NSD2: variants seen among roughly 807,000 people sequenced by gnomAD.
The protein encoded by NSD2 is histone-lysine N-methyltransferase NSD2.
NSD2 carries 12 observed loss-of-function variants against 139.0 expected under a neutral mutation model. The observed-to-expected ratio is 0.09, with a 90% CI of 0.06 to 0.14. NSD2 has a LOEUF of 0.14. Ranked by LOEUF, NSD2 falls within the 10% of genes least tolerant of loss-of-function variation. The pLI, the probability that NSD2 is intolerant of heterozygous loss-of-function variation, is 1.00. For missense variants in NSD2, 1,155 were observed against 1,745.0 expected, an observed-to-expected ratio of 0.66 and a Z score of 6.02; for synonymous variants, 669 against 648.7, an observed-to-expected ratio of 1.03 and a Z score of -0.48.
intron 1 of NSD2, among the ~76,000 whole-genome samples, chr4:1,886,687 A>T (rs1204893260): frequency 2.0e-5 from 3 of 151,886 alleles, no homozygotes; most frequent in Admixed American, 6.6e-5. Flanking sequence ...ACACCCAAAA[A>T]ATTAGCCAGG....
chr4:1,942,366 T>G lies in NSD2; in HGVS notation c.1881+2588T>G, dbSNP rs1723187633. Reference sequence around the variant, plus strand: ...TTTGTGGGAGCCCACACCAGTCAAGTTGGATTTGAACCCAGCTGCTCTGTA... The same window carrying G: ...TTTGTGGGAGCCCACACCAGTCAAGGTGGATTTGAACCCAGCTGCTCTGTA... On this transcript the variant is annotated intron_variant, in intron 9 of 21. Transcript: ENST00000508803. This position sits in a 1 kb window ranked among gnomAD's most constrained non-coding sequence, Gnocchi z 4.0. 1 of 1,613,854 alleles carries G rather than the reference T, an allele frequency of 6.2e-7. No homozygotes were observed. The highest frequency in any genetic ancestry group is 1.1e-5 in the South Asian group (1 of 91,030).
At chr4:1,946,110 G>A in intron 9 of NSD2, 1 of 1,029,742 alleles carries the variant, frequency 9.7e-7, no homozygotes, top group Non-Finnish European at 1.2e-6. Flanking sequence ...GCTGAGGTGT[G>A]CGGTTTATCT....
chr4:1,890,370 C>T (rs2108698434), intron 1 of NSD2, among the ~76,000 whole-genome samples: 1 of 152,022 alleles, frequency 6.6e-6, no homozygotes, highest in South Asian at 2.1e-4. Flanking sequence ...ATGATCTCGG[C>T]TCACTGCAAG....
chr4:1,970,336 G>C (rs1726326680), intron 18 of NSD2, among the ~76,000 whole-genome samples: 1 of 152,220 alleles, frequency 6.6e-6, no homozygotes, highest in African/African-American at 2.4e-5. Context: ...ACGAGCCAGG[G>C]GTGTCTATCC....
Position 1,955,547 on chromosome 4 carries a change from T to C in NSD2, c.2519-146T>C, listed in dbSNP as rs1724726058. 1 of 1,241,414 alleles carries C rather than the reference T, an allele frequency of 8.1e-7. No individual in the cohort carries two copies. Among genetic ancestry groups the C allele is most frequent in the African/African-American group, 1.5e-5 (1 of 65,926 alleles). The allele number at this position is 1,241,414 out of a possible 1,614,324, so 76.9% of individuals were successfully genotyped here. ...GAAATTATTTGTGGTGAAAATGACATTTGCTCTCGTGCTGATGTACAGATC... is the reference window on the plus strand; with the variant it reads ...GAAATTATTTGTGGTGAAAATGACACTTGCTCTCGTGCTGATGTACAGATC... On this transcript the variant is annotated intron_variant, in intron 13 of 21. Transcript: ENST00000508803. This position sits in a 1 kb window ranked among gnomAD's most constrained non-coding sequence, Gnocchi z 4.7.
Position 1,973,223 on chromosome 4 carries a change from G to A in NSD2, c.3373-1640G>A, listed in dbSNP as rs1006478705. On this transcript the variant is annotated intron_variant, in intron 18 of 21. Coordinates refer to ENST00000508803, the MANE Select transcript of NSD2 (RefSeq NM_001042424.3). This position sits in a 1 kb window ranked among gnomAD's most constrained non-coding sequence, Gnocchi z 5.5. ...AGTCAGTTAAGATAAATAAAACAGGGTCAAGACATGGCGGGCAACCCACAG... is the reference window on the plus strand; with the variant it reads ...AGTCAGTTAAGATAAATAAAACAGGATCAAGACATGGCGGGCAACCCACAG... Among the ~76,000 whole-genome samples, 3 of 152,180 alleles carry A rather than the reference G, an allele frequency of 2.0e-5. No homozygotes were observed. Among genetic ancestry groups the A allele is most frequent in the Admixed American group, 6.5e-5 (1 of 15,276 alleles).
In NSD2 at chr4:1,948,810, C is replaced by T; in HGVS notation, c.1882-2262C>T. The T allele has an allele frequency of 9.7e-7, 1 of 1,031,216 alleles. No homozygotes were observed. The highest frequency in any genetic ancestry group is 6.1e-5 in the East Asian group (1 of 16,274). 63.9% of individuals were successfully genotyped at this position (1,031,216 alleles called of 1,614,324 possible). A position where few individuals can be genotyped will look rare whatever the true frequency, so the allele number is the denominator to read the frequency against. On this transcript the variant is annotated intron_variant, in intron 9 of 21. Coordinates refer to ENST00000508803, the MANE Select transcript of NSD2 (RefSeq NM_001042424.3). This position sits in a 1 kb window ranked among gnomAD's most constrained non-coding sequence, Gnocchi z 4.5. ...AAATCTGAAATAAAAGGTGCTGTTC[C>T]TTCCTCTGACCCAGGACTGCTTTGT... is the stretch of plus-strand genomic sequence containing the variant.
chr4:1,974,967 T>G lies in NSD2; in HGVS notation c.3477T>G (p.Thr1159=). 6.2e-7 allele frequency: 1 copy of G among 1,614,054 alleles called. No individual in the cohort carries two copies. Among genetic ancestry groups the G allele is most frequent in the Non-Finnish European group, 8.5e-7 (1 of 1,180,012 alleles). The change falls in exon 19 of 22, where the codon ACT becomes ACG. Residue 1159 remains threonine, a synonymous_variant. Coordinates refer to ENST00000508803, the MANE Select transcript of NSD2 (RefSeq NM_001042424.3). The surrounding 1 kb of genome is among the most constrained non-coding windows in gnomAD (Gnocchi z 4.0). Reference sequence around the variant, plus strand: ...TCAAGTGGACAGTGAATGGGGACACTCGTGTGGGCCTGTTTGCCGTCTGTG... The same window carrying G: ...TCAAGTGGACAGTGAATGGGGACACGCGTGTGGGCCTGTTTGCCGTCTGTG... ...ETLKWTVNGD[T]RVGLFAVCDI... is the part of the protein sequence containing the mutation.
In NSD2 at chr4:1,972,174, C is replaced by T. The variant is rs1391100164; in HGVS notation, c.3373-2689C>T. ...GGTCCACAGGTTTTCCCCTGCCCTC[C>T]TCATGTATGCAGAGCCACAAAGAGC... On this transcript the variant is annotated intron_variant, in intron 18 of 21. Coordinates refer to ENST00000508803, the MANE Select transcript of NSD2 (RefSeq NM_001042424.3). The surrounding 1 kb of genome is among the most constrained non-coding windows in gnomAD (Gnocchi z 4.0). Among the ~76,000 whole-genome samples, 1 of 152,168 alleles carries T rather than the reference C, an allele frequency of 6.6e-6. No homozygotes were observed. Among genetic ancestry groups the T allele is most frequent in the East Asian group, 1.9e-4 (1 of 5,190 alleles).
rs1262190754 is a variant in NSD2, at chr4:1,958,370, C to G, written c.2985+334C>G. ...CTGTTGCCAAGTGCTGGGAGTCAGT[C>G]ACATACGGCCAGGGCTCAGTGACTG... On this transcript the variant is annotated intron_variant, in intron 16 of 21. Transcript: ENST00000508803. This position sits in a 1 kb window ranked among gnomAD's most constrained non-coding sequence, Gnocchi z 4.6. Among the ~76,000 whole-genome samples the G allele has an allele frequency of 2.0e-5, 3 of 152,224 alleles. No homozygotes were observed. The highest frequency in any genetic ancestry group is 7.2e-5 in the African/African-American group (3 of 41,462).
At chr4:1,895,703 G>A (rs1716183931) in intron 1 of NSD2, among the ~76,000 whole-genome samples, 1 of 152,216 alleles carries the variant, frequency 6.6e-6, no homozygotes, top group South Asian at 2.1e-4. Flanking sequence ...GCTCTCCCGG[G>A]GAGAGGGGGG....
At position 1,938,401 on chromosome 4, in the gene NSD2, CTT is replaced by C. The variant is rs372125946; in HGVS notation, c.1675-41_1675-40del. ...TCTTTTTTTTTCCTTTTTTTCTTTT[CTT>C]TTTTTTTTCTTTCTTTTTTTTTTTT... On this transcript the variant is annotated intron_variant, in intron 7 of 21. Coordinates refer to ENST00000508803, the MANE Select transcript of NSD2 (RefSeq NM_001042424.3). 38 of 878,152 alleles carry C rather than the reference CTT, an allele frequency of 4.3e-5. No individual in the cohort carries two copies. In the African/African-American group the frequency reaches 9.3e-4, roughly 22 times the overall value. The allele number at this position is 878,152 out of a possible 1,614,324, so 54.4% of individuals were successfully genotyped here. A position where few individuals can be genotyped will look rare whatever the true frequency, so the allele number is the denominator to read the frequency against.
intron 6 of NSD2, among the ~76,000 whole-genome samples, chr4:1,934,887 A>ATATATG (rs1577483505): frequency 8.1e-6 from 1 of 123,700 alleles, no homozygotes; most frequent in East Asian, 2.1e-4. Context: ...AAATATATAT[A>ATATATG]TATATATATA....
chr4:1,947,272 T>A, intron 9 of NSD2: 6 of 1,062,672 alleles, frequency 5.6e-6, no homozygotes, highest in Non-Finnish European at 5.7e-6. Context: ...GGGCAGGCCT[T>A]GAATTGGGAG....
At chr4:1,891,138 T>C (rs1472064797) in intron 1 of NSD2, among the ~76,000 whole-genome samples, 1 of 152,134 alleles carries the variant, frequency 6.6e-6, no homozygotes, top group Non-Finnish European at 1.5e-5. Context: ...AAGCAATCCT[T>C]CTGCCTTGGC....
chr4:1,959,372 G>T (rs1725143522), intron 16 of NSD2, 99 bp from the exon 17 acceptor site: 1 of 1,447,150 alleles, frequency 6.9e-7, no homozygotes, highest in Non-Finnish European at 9.5e-7. Context: ...TTTCTAAAAG[G>T]CCACCTGGAG....
At chr4:1,966,923 A>G (rs1440200974) in intron 18 of NSD2, among the ~76,000 whole-genome samples, 1 of 152,220 alleles carries the variant, frequency 6.6e-6, no homozygotes, top group Admixed American at 6.5e-5. Context: ...TAAACTTAAT[A>G]TAATCAAGTT....
At chr4:1,945,402 A>G in intron 9 of NSD2, 1 of 1,064,822 alleles carries the variant, frequency 9.4e-7, no homozygotes, top group Middle Eastern at 4.2e-4. Context: ...GTGTGTGTCC[A>G]GAGGTGTGTG....
At chr4:1,923,520 A>G (rs1720446050) in intron 5 of NSD2, among the ~76,000 whole-genome samples, 1 of 152,160 alleles carries the variant, frequency 6.6e-6, no homozygotes, top group Admixed American at 6.6e-5. Flanking sequence ...GGTCCTTCAC[A>G]GTCATCCTTC....
Sources: gnomAD v4.1 joint callset for allele counts (sites outside exome capture counted in the v4.1 genomes callset) on GRCh38, gnomAD v4.1.1 for gene constraint, Gnocchi (gnomAD v3.1) non-coding constraint, MANE v1.5 for transcripts, NCBI Gene and HGNC (gene_info 2026-07-23, HGNC 2026-07-21) for gene names.